The following EPHA3 variants were observed in gnomAD, a reference collection of about 807,000 sequenced individuals.
EPHA3 encodes ephrin type-A receptor 3.
A neutral mutation model predicts 107.1 loss-of-function variants in EPHA3; 42 were observed. That is an observed-to-expected ratio of 0.39 (90% CI 0.31 to 0.51). The LOEUF (loss-of-function observed/expected upper bound fraction) is 0.51. Among genes scored for constraint, EPHA3 ranks in the 20% least tolerant of loss-of-function variants. The pLI is 0.78. For missense variants in EPHA3, 1,183 were observed against 1,211.2 expected (o/e 0.98, Z 0.35); for synonymous variants, 461 against 424.8 (o/e 1.09, Z -1.05).
At chr3:89,428,978 A>T (rs1455923410) in intron 11 of EPHA3, 128 bp from the exon 12 acceptor site, 1 of 543,900 alleles carries the variant, frequency 1.8e-6, no homozygotes, top group Non-Finnish European at 2.8e-6. Context: ...TAAAATTTTT[A>T]AAAATTAGAA....
chr3:89,237,072 T>A (rs1240168941), intron 3 of EPHA3, among the ~76,000 whole-genome samples: 1 of 152,120 alleles, frequency 6.6e-6, no homozygotes, highest in East Asian at 1.9e-4. Flanking sequence ...AACAAATACA[T>A]AAATATAAGC....
At chr3:89,190,673 T>C (rs1448524825) in intron 2 of EPHA3, among the ~76,000 whole-genome samples, 1 of 152,138 alleles carries the variant, frequency 6.6e-6, no homozygotes, top group East Asian at 1.9e-4. Flanking sequence ...AACCCCAAAA[T>C]AATATATTCT....
intron 15 of EPHA3, among the ~76,000 whole-genome samples, chr3:89,458,796 T>C (rs1710154019): frequency 6.6e-6 from 1 of 152,146 alleles, no homozygotes; most frequent in African/African-American, 2.4e-5. Flanking sequence ...CCATCAATGA[T>C]AGACTGAATA....
At chr3:89,344,877 T>A in intron 5 of EPHA3, among the ~76,000 whole-genome samples, 1 of 141,542 alleles carries the variant, frequency 7.1e-6, no homozygotes, top group Non-Finnish European at 1.6e-5. Context: ...CGGATATTAG[T>A]TCTCAGCTCT....
At chr3:89,272,198 A>G (rs1705686207) in intron 3 of EPHA3, among the ~76,000 whole-genome samples, 1 of 151,876 alleles carries the variant, frequency 6.6e-6, no homozygotes, top group Non-Finnish European at 1.5e-5. Flanking sequence ...TTTCAGCTGC[A>G]TGGGGAATCA....
At chr3:89,450,101 C>A in intron 14 of EPHA3, 76 bp from the exon 15 acceptor site, 1 of 1,233,202 alleles carries the variant, frequency 8.1e-7, no homozygotes, top group Non-Finnish European at 1.1e-6. Flanking sequence ...ATTTGTGAGC[C>A]CCGCCCATGA....
intron 1 of EPHA3, among the ~76,000 whole-genome samples, chr3:89,118,469 T>G (rs1707305770): frequency 6.6e-6 from 1 of 151,916 alleles, no homozygotes; most frequent in South Asian, 2.1e-4. Context: ...ATTAGTAATA[T>G]TCCTTTAAAT....
intron 3 of EPHA3, among the ~76,000 whole-genome samples, chr3:89,288,526 T>C (rs2107324923): frequency 6.6e-6 from 1 of 152,270 alleles, no homozygotes; most frequent in African/African-American, 2.4e-5. Context: ...GGCTTGAGTA[T>C]TCTATTACTG....
At chr3:89,237,000 G>GA (rs1361903805) in intron 3 of EPHA3, among the ~76,000 whole-genome samples, 5 of 152,272 alleles carry the variant, frequency 3.3e-5, no homozygotes, top group Middle Eastern at 3.4e-3. Flanking sequence ...ATGAATCAAT[G>GA]AATCAATGCA....
At chr3:89,261,252 T>G (rs2107280815) in intron 3 of EPHA3, among the ~76,000 whole-genome samples, 1 of 152,328 alleles carries the variant, frequency 6.6e-6, no homozygotes, top group South Asian at 2.1e-4. Flanking sequence ...TTCTTGATGC[T>G]CTTAGAAAAG....
At chr3:89,322,329 ATAGCTC>A (rs1707062668) in intron 3 of EPHA3, among the ~76,000 whole-genome samples, 1 of 152,082 alleles carries the variant, frequency 6.6e-6, no homozygotes, top group Admixed American at 6.6e-5. Flanking sequence ...ATTTGGACTA[ATAGCTC>A]TAACCTTTGA....
intron 2 of EPHA3, among the ~76,000 whole-genome samples, chr3:89,181,488 A>G (rs1376481673): frequency 2.0e-5 from 3 of 151,964 alleles, no homozygotes; most frequent in African/African-American, 7.2e-5. Context: ...GTCAATGACA[A>G]CCTCAGAAGG....
At chr3:89,405,234 G>C (rs1425611870) in intron 7 of EPHA3, among the ~76,000 whole-genome samples, 2 of 152,140 alleles carry the variant, frequency 1.3e-5, no homozygotes, top group Non-Finnish European at 2.9e-5. Context: ...AAGCCGATGG[G>C]GAGTTTCAGA....
Position 89,250,988 on chromosome 3 carries a change from T to A in EPHA3, c.814+40468T>A, listed in dbSNP as rs151119464. ...GCTGTGTAATTAGAAAGGATTAACA[T>A]CTTTCATGGAACTGCTAGAAACATT... On this transcript the variant is annotated intron_variant, in intron 3 of 16. Coordinates refer to ENST00000336596, the MANE Select transcript of EPHA3 (RefSeq NM_005233.6). 1.4e-3 allele frequency among the ~76,000 whole-genome samples: 212 copies of A among 152,306 alleles called. 2 individuals are homozygous for A. The highest frequency in any genetic ancestry group is 5.6e-3 in the East Asian group (29 of 5,178).
intron 15 of EPHA3, among the ~76,000 whole-genome samples, chr3:89,453,828 C>G (rs913251893): frequency 1.3e-5 from 2 of 152,118 alleles, no homozygotes; most frequent in African/African-American, 4.8e-5. Flanking sequence ...GAACTTCCCA[C>G]AGCAAAACAG....
At chr3:89,121,257 A>T (rs1038319537) in intron 1 of EPHA3, among the ~76,000 whole-genome samples, 1 of 151,904 alleles carries the variant, frequency 6.6e-6, no homozygotes, top group African/African-American at 2.4e-5. Flanking sequence ...TAAATAAATA[A>T]ATAAAATAAA....
chr3:89,214,358 A>G (rs541842815), intron 3 of EPHA3, among the ~76,000 whole-genome samples: 5 of 152,116 alleles, frequency 3.3e-5, no homozygotes, highest in Admixed American at 2.6e-4. Flanking sequence ...TTTGAACGTC[A>G]TTATTTTCAG....
intron 3 of EPHA3, among the ~76,000 whole-genome samples, chr3:89,257,011 T>C (rs1022221027): frequency 7.2e-5 from 11 of 152,374 alleles, no homozygotes; most frequent in African/African-American, 2.2e-4. Flanking sequence ...GTACTAAGTA[T>C]GTATGTACAC....
chr3:89,169,936 C>A (rs2107093755), intron 2 of EPHA3, among the ~76,000 whole-genome samples: 1 of 152,202 alleles, frequency 6.6e-6, no homozygotes, highest in African/African-American at 2.4e-5. Context: ...CTCTGAAAGT[C>A]AACAAACTCT....
Sources: gnomAD v4.1 joint callset for allele counts (sites outside exome capture counted in the v4.1 genomes callset) on GRCh38, gnomAD v4.1.1 for gene constraint, MANE v1.5 for transcripts, NCBI Gene and HGNC (gene_info 2026-07-23, HGNC 2026-07-21) for gene names.